Variants in ADAMTS17 observed in about 807,000 individuals in gnomAD.
The protein encoded by ADAMTS17 is ADAM metallopeptidase with thrombospondin type 1 motif 17, also known as A disintegrin and metalloproteinase with thrombospondin motifs 17.
ADAMTS17 carries 113 observed loss-of-function variants against 141.5 expected under a neutral mutation model. The ratio of observed to expected loss-of-function variants is 0.80; its 90% confidence interval spans 0.69 to 0.93. The LOEUF is 0.93. Among genes scored for constraint, ADAMTS17 ranks in the 40% least tolerant of loss-of-function variants. ADAMTS17 has a pLI of 0.00. For missense variants in ADAMTS17, 1,659 were observed against 1,517.9 expected, an observed-to-expected ratio of 1.09 and a Z score of -1.54; for synonymous variants, 768 against 630.6, an observed-to-expected ratio of 1.22 and a Z score of -3.27.
intron 3 of ADAMTS17, among the ~76,000 whole-genome samples, chr15:100,298,493 C>T (rs535095186): frequency 1.3e-5 from 2 of 152,220 alleles, no homozygotes; most frequent in South Asian, 2.1e-4. Context: ...TTTTTGCATG[C>T]AAAAACTCAT....
At chr15:100,141,098 C>G (rs1349127104) in intron 10 of ADAMTS17, among the ~76,000 whole-genome samples, 1 of 152,238 alleles carries the variant, frequency 6.6e-6, no homozygotes, top group Non-Finnish European at 1.5e-5. Context: ...AAACAGCTCT[C>G]TGGTTCTAGC....
intron 3 of ADAMTS17, among the ~76,000 whole-genome samples, chr15:100,329,674 A>G (rs1191652570): frequency 6.6e-6 from 1 of 152,180 alleles, no homozygotes; most frequent in Non-Finnish European, 1.5e-5. Context: ...GAAAGAACAG[A>G]AAAACCCTAA....
chr15:100,341,920 C>T lies in ADAMTS17; in HGVS notation c.-21G>A. 1 of 1,549,010 alleles carries T rather than the reference C, an allele frequency of 6.5e-7. No homozygotes were observed. The highest frequency in any genetic ancestry group is 8.7e-7 in the Non-Finnish European group (1 of 1,146,366). ...CACATGGTACCCGGGACCGGCAGCC[C>T]CCCCGGACCGTGGCGGCGAAGCAGG... is the stretch of plus-strand genomic sequence containing the variant. On this transcript the variant is annotated 5_prime_UTR_variant, in exon 1 of 22. Transcript: ENST00000268070.
intron 7 of ADAMTS17, among the ~76,000 whole-genome samples, chr15:100,205,381 G>A (rs2041498099): frequency 6.6e-6 from 1 of 152,178 alleles, no homozygotes; most frequent in Non-Finnish European, 1.5e-5. Flanking sequence ...CGGGAGAGGG[G>A]AAGGAAAGAG....
At chr15:100,217,026 TGAAGAG>T (rs990949693) in intron 7 of ADAMTS17, among the ~76,000 whole-genome samples, 1 of 152,124 alleles carries the variant, frequency 6.6e-6, no homozygotes, top group African/African-American at 2.4e-5. Context: ...AATGCTGTTT[TGAAGAG>T]GAAGAGTTGA....
chr15:100,129,429 C>T (rs1321905955), intron 12 of ADAMTS17: 1 of 152,222 alleles, frequency 6.6e-6, no homozygotes, highest in Non-Finnish European at 1.5e-5. Flanking sequence ...AAGACAAGTA[C>T]CAGCCGTCGG....
intron 18 of ADAMTS17, among the ~76,000 whole-genome samples, chr15:100,042,205 A>G (rs2031317470): frequency 6.6e-6 from 1 of 152,126 alleles, no homozygotes; most frequent in Non-Finnish European, 1.5e-5. Context: ...CAGGTTTTCT[A>G]CTTTTCTTCA....
chr15:100,080,963 G>A (rs1429606012), intron 15 of ADAMTS17, among the ~76,000 whole-genome samples: 2 of 152,196 alleles, frequency 1.3e-5, no homozygotes, highest in Non-Finnish European at 2.9e-5. Context: ...TTGACTTGGG[G>A]TGGACTTGTG....
At chr15:100,198,336 G>A (rs1358216645) in intron 8 of ADAMTS17, among the ~76,000 whole-genome samples, 1 of 152,132 alleles carries the variant, frequency 6.6e-6, no homozygotes, top group Non-Finnish European at 1.5e-5. Flanking sequence ...TATGGCAAAT[G>A]CTTGAGAAAA....
At chr15:100,111,821 G>A (rs1358320610) in intron 13 of ADAMTS17, among the ~76,000 whole-genome samples, 1 of 152,234 alleles carries the variant, frequency 6.6e-6, no homozygotes, top group African/African-American at 2.4e-5. Flanking sequence ...TGCTGTCACT[G>A]TTCCATTATA....
intron 8 of ADAMTS17, among the ~76,000 whole-genome samples, chr15:100,183,621 C>T (rs1264514429): frequency 6.6e-6 from 1 of 152,188 alleles, no homozygotes; most frequent in Non-Finnish European, 1.5e-5. Context: ...ACATTTGTCA[C>T]TGGTGCCAGC....
intron 18 of ADAMTS17, among the ~76,000 whole-genome samples, chr15:100,026,056 G>A (rs1224904520): frequency 1.3e-5 from 2 of 152,064 alleles, no homozygotes; most frequent in East Asian, 3.9e-4. Flanking sequence ...ACCTCAGAAG[G>A]CCTCCTCATA....
chr15:100,179,637 T>A (rs1316849118), intron 8 of ADAMTS17, among the ~76,000 whole-genome samples: 1 of 152,244 alleles, frequency 6.6e-6, no homozygotes, highest in South Asian at 2.1e-4. Flanking sequence ...TTCTCCATAG[T>A]GGTGGTACTA....
At chr15:100,191,417 G>T (rs561814305) in intron 8 of ADAMTS17, among the ~76,000 whole-genome samples, 5 of 152,324 alleles carry the variant, frequency 3.3e-5, no homozygotes, top group Admixed American at 3.3e-4. Context: ...GCTTTTAATG[G>T]CTTTCTGTTT....
At chr15:100,096,233 C>T (rs985374816) in intron 15 of ADAMTS17, 123 bp downstream of exon 15, 3 of 1,506,770 alleles carry the variant, frequency 2.0e-6, no homozygotes, top group Non-Finnish European at 1.8e-6. Flanking sequence ...ACTGAAGTTC[C>T]AGGTCACCTA....
intron 18 of ADAMTS17, among the ~76,000 whole-genome samples, chr15:100,026,545 C>A (rs914173516): frequency 6.6e-6 from 1 of 152,194 alleles, no homozygotes; most frequent in African/African-American, 2.4e-5. Context: ...AAAGCAGGCA[C>A]ATACCATAAA....
chr15:100,086,777 G>T (rs1001110202), intron 15 of ADAMTS17, among the ~76,000 whole-genome samples: 6 of 148,468 alleles, frequency 4.0e-5, no homozygotes, highest in African/African-American at 1.0e-4. Flanking sequence ...GAAATAAAGA[G>T]GTTCTTTGAA....
At chr15:100,262,249 G>A in intron 5 of ADAMTS17, 103 bp downstream of exon 5, 1 of 1,033,028 alleles carries the variant, frequency 9.7e-7, no homozygotes, top group Admixed American at 1.9e-5. Flanking sequence ...GAGTGACGGA[G>A]ACTGGCAACT....
intron 10 of ADAMTS17, among the ~76,000 whole-genome samples, chr15:100,145,461 C>A (rs1305820222): frequency 6.6e-6 from 1 of 152,172 alleles, no homozygotes; most frequent in African/African-American, 2.4e-5. Context: ...AAGAATACTG[C>A]TGAGAATTTT....
Sources: gnomAD v4.1 joint callset for allele counts (sites outside exome capture counted in the v4.1 genomes callset) on GRCh38, gnomAD v4.1.1 for gene constraint, MANE v1.5 for transcripts, NCBI Gene and HGNC (gene_info 2026-07-23, HGNC 2026-07-21) for gene names.